The following ST3GAL2 variants were observed in gnomAD, a reference collection of about 807,000 sequenced individuals.
The protein encoded by ST3GAL2 is ST3 beta-galactoside alpha-2,3-sialyltransferase 2.
A neutral mutation model predicts 37.5 loss-of-function variants in ST3GAL2; 16 were observed. The observed-to-expected ratio is 0.43, with a 90% CI of 0.29 to 0.65. ST3GAL2 has a LOEUF of 0.65. ST3GAL2 is among the 30% of genes least tolerant of loss of function. ST3GAL2 has a pLI of 0.17. For missense variants in ST3GAL2, 383 were observed against 487.8 expected, an observed-to-expected ratio of 0.79 and a Z score of 2.02; for synonymous variants, 238 against 202.9, an observed-to-expected ratio of 1.17 and a Z score of -1.47.
At chr16:70,415,095 C>A (rs953204419) in intron 1 of ST3GAL2, among the ~76,000 whole-genome samples, 2 of 152,044 alleles carry the variant, frequency 1.3e-5, no homozygotes, top group African/African-American at 4.8e-5. Flanking sequence ...AGGATGGTCT[C>A]GATCTCCTTA....
In ST3GAL2 at chr16:70,381,487, T is replaced by A; in HGVS notation, c.*202A>T. The A allele has an allele frequency of 1.6e-6, 1 of 627,280 alleles. No homozygotes were observed. The highest frequency in any genetic ancestry group is 2.7e-6 in the Non-Finnish European group (1 of 368,354). The allele number at this position is 627,280 out of a possible 1,614,324, so 38.9% of individuals were successfully genotyped here. ...CGGAAGTTTTCCTTGAGTCACATGA[T>A]TGGCTGGGAGAAACAGAAGCTCCGC... On this transcript the variant is annotated 3_prime_UTR_variant, in exon 7 of 7. Transcript: ENST00000342907.
chr16:70,430,144 C>T (rs1233763030), intron 1 of ST3GAL2, among the ~76,000 whole-genome samples: 2 of 152,222 alleles, frequency 1.3e-5, no homozygotes, highest in African/African-American at 4.8e-5. Context: ...CTCTGGGCTG[C>T]CAACAGAGGG....
chr16:70,417,042 T>C (rs1199685805), intron 1 of ST3GAL2, among the ~76,000 whole-genome samples: 3 of 152,230 alleles, frequency 2.0e-5, no homozygotes, highest in African/African-American at 4.8e-5. Context: ...TGGATTCACA[T>C]TGTGGGTTTG....
intron 1 of ST3GAL2, among the ~76,000 whole-genome samples, chr16:70,438,672 G>C (rs184338363): frequency 0.013 from 1,911 of 152,246 alleles, 122 homozygotes; most frequent in Admixed American, 0.11. Context: ...GCTGGGGTTG[G>C]GGTTGGGGGC....
intron 6 of ST3GAL2, 69 bp from the exon 7 acceptor site, chr16:70,381,931 A>T: frequency 6.3e-7 from 1 of 1,588,516 alleles, no homozygotes; most frequent in Non-Finnish European, 8.6e-7. Flanking sequence ...CGGGCTCGGG[A>T]TGACAGGGAG....
At position 70,385,523 on chromosome 16, in the gene ST3GAL2, A is replaced by T. The variant is rs566376164; in HGVS notation, c.714-2288T>A. On this transcript the variant is annotated intron_variant, in intron 4 of 6. Coordinates refer to ENST00000342907, the MANE Select transcript of ST3GAL2 (RefSeq NM_006927.4). ...AGCTTTACACTTAAAAATAGTTAAAATGGCAAATGTTATATTGTGTATATT... is the reference window on the plus strand; with the variant it reads ...AGCTTTACACTTAAAAATAGTTAAATTGGCAAATGTTATATTGTGTATATT... 1.2e-4 allele frequency among the ~76,000 whole-genome samples: 18 copies of T among 152,060 alleles called. No individual in the cohort carries two copies. In the South Asian group the frequency reaches 1.7e-3, roughly 14 times the overall value.
intron 3 of ST3GAL2, among the ~76,000 whole-genome samples, chr16:70,389,508 AG>A (rs546356353): frequency 7.9e-4 from 121 of 152,262 alleles, no homozygotes; most frequent in African/African-American, 2.9e-3. Flanking sequence ...CCTGTCGCCC[AG>A]GCTGGAGTCC....
At position 70,383,250 on chromosome 16, in the gene ST3GAL2, A is replaced by C; in HGVS notation, c.714-15T>G. On this transcript the variant is annotated splice_polypyrimidine_tract_variant and intron_variant, in intron 4 of 6. Transcript: ENST00000342907. Reference sequence around the variant, plus strand: ...GGGCGTAGGTGCTGTAAGCAAAAAGAAAGAAAGATAACATTTCAGGCTGGG... The same window carrying C: ...GGGCGTAGGTGCTGTAAGCAAAAAGCAAGAAAGATAACATTTCAGGCTGGG... 3 of 1,599,440 alleles carry C rather than the reference A, an allele frequency of 1.9e-6. No individual in the cohort carries two copies. Among genetic ancestry groups the C allele is most frequent in the Non-Finnish European group, 2.6e-6 (3 of 1,176,430 alleles).
At position 70,376,614 on chromosome 16, in the gene ST3GAL2, A is replaced by T. The variant is rs2047347682; in HGVS notation, c.*5075T>A. 4 of 151,658 alleles carry T rather than the reference A, an allele frequency of 2.6e-5. No individual in the cohort carries two copies. The South Asian group carries it at 8.3e-4, about 31-fold the overall frequency. The allele number at this position is 151,658 out of a possible 1,614,324, so 9.4% of individuals were successfully genotyped here. On this transcript the variant is annotated 3_prime_UTR_variant, in exon 7 of 7. Coordinates refer to ENST00000342907, the MANE Select transcript of ST3GAL2 (RefSeq NM_006927.4). ...GTAGTGAGAAGGGGCATTGATTCCT[A>T]ATTCACACTCAAAAGGGAATACTTT...
chr16:70,421,216 G>A (rs2047712240), intron 1 of ST3GAL2, among the ~76,000 whole-genome samples: 1 of 152,222 alleles, frequency 6.6e-6, no homozygotes, highest in Admixed American at 6.5e-5. Flanking sequence ...CCGATGACAT[G>A]CTGTGACCTA....
intron 4 of ST3GAL2, among the ~76,000 whole-genome samples, chr16:70,384,125 A>C (rs981087993): frequency 6.6e-6 from 1 of 152,168 alleles, no homozygotes; most frequent in Non-Finnish European, 1.5e-5. Context: ...AACATGAGAT[A>C]ATGAACATCC....
chr16:70,418,764 G>T (rs959402634), intron 1 of ST3GAL2, among the ~76,000 whole-genome samples: 6 of 152,184 alleles, frequency 3.9e-5, no homozygotes, highest in African/African-American at 1.4e-4. Context: ...GAGAACCTCT[G>T]TGCACTCTGC....
At chr16:70,435,066 C>T (rs556546806) in intron 1 of ST3GAL2, among the ~76,000 whole-genome samples, 140 of 152,290 alleles carry the variant, frequency 9.2e-4, no homozygotes, top group African/African-American at 3.2e-3. Context: ...ACAGGCCAGA[C>T]GAGGGCCCGG....
chr16:70,403,969 T>A (rs1024077614), intron 1 of ST3GAL2, among the ~76,000 whole-genome samples: 6 of 151,794 alleles, frequency 4.0e-5, no homozygotes, highest in African/African-American at 1.5e-4. Flanking sequence ...CACTCCAGGA[T>A]GGGTGACAGA....
Position 70,382,941 on chromosome 16 carries a change from T to C in ST3GAL2, c.760-17A>G, listed in dbSNP as rs751300519. On this transcript the variant is annotated splice_polypyrimidine_tract_variant and intron_variant, in intron 5 of 6. Transcript: ENST00000342907. Reference sequence around the variant, plus strand: ...GATCTGGACCTGGGAGGAGAAGGGATGACAGGTATATGAGGGGTTTAGGGG... The same window carrying C: ...GATCTGGACCTGGGAGGAGAAGGGACGACAGGTATATGAGGGGTTTAGGGG... 3 of 1,611,260 alleles carry C rather than the reference T, an allele frequency of 1.9e-6. No homozygotes were observed. Among genetic ancestry groups the C allele is most frequent in the Non-Finnish European group, 2.5e-6 (3 of 1,178,698 alleles).
chr16:70,420,018 C>A (rs540280517), intron 1 of ST3GAL2, among the ~76,000 whole-genome samples: 29 of 148,822 alleles, frequency 1.9e-4, no homozygotes, highest in South Asian at 4.2e-4. Context: ...TTGACCCCCC[C>A]CTTCCCTTTT....
intron 3 of ST3GAL2, among the ~76,000 whole-genome samples, 196 bp from the exon 4 acceptor site, chr16:70,388,742 G>C (rs2047460373): frequency 6.6e-6 from 1 of 152,056 alleles, no homozygotes; most frequent in Non-Finnish European, 1.5e-5. Context: ...ATTCACTGCA[G>C]AATTATTTAC....
At position 70,377,140 on chromosome 16, in the gene ST3GAL2, G is replaced by A. The variant is rs1054830742; in HGVS notation, c.*4549C>T. 6.9e-6 allele frequency: 1 copy of A among 144,810 alleles called. No individual in the cohort carries two copies. The highest frequency in any genetic ancestry group is 2.0e-4 in the East Asian group (1 of 4,894). The allele number at this position is 144,810 out of a possible 1,614,324, so 9.0% of individuals were successfully genotyped here. ...CCAGGAGTTTTTGAGGCTGCAGTGA[G>A]CTCTGCACCAGTCTGGGCGACAGGA... On this transcript the variant is annotated 3_prime_UTR_variant, in exon 7 of 7. Coordinates refer to ENST00000342907, the MANE Select transcript of ST3GAL2 (RefSeq NM_006927.4).
At chr16:70,421,911 C>T (rs2047717422) in intron 1 of ST3GAL2, among the ~76,000 whole-genome samples, 1 of 152,194 alleles carries the variant, frequency 6.6e-6, no homozygotes, top group Non-Finnish European at 1.5e-5. Context: ...TAACTCATGC[C>T]TATGAATTAC....
Sources: gnomAD v4.1 joint callset for allele counts (sites outside exome capture counted in the v4.1 genomes callset) on GRCh38, gnomAD v4.1.1 for gene constraint, MANE v1.5 for transcripts, NCBI Gene and HGNC (gene_info 2026-07-23, HGNC 2026-07-21) for gene names.